The following ALDH2 variants were observed in gnomAD, a reference collection of about 807,000 sequenced individuals.
The protein encoded by ALDH2 is aldehyde dehydrogenase, mitochondrial.
A neutral mutation model predicts 59.6 loss-of-function variants in ALDH2; 44 were observed. The observed-to-expected ratio is 0.74, with a 90% CI of 0.58 to 0.95. The LOEUF is 0.95. Ranked by LOEUF, ALDH2 falls within the 40% of genes least tolerant of loss-of-function variation. The pLI, the probability that ALDH2 is intolerant of heterozygous loss-of-function variation, is 0.00. For synonymous variants in ALDH2, 291 were observed against 284.0 expected (o/e 1.02, Z -0.25); for missense variants, 570 against 696.3 (o/e 0.82, Z 2.04).
intron 7 of ALDH2, 36 bp from the exon 8 acceptor site, chr12:111,792,025 C>A (rs763918388): frequency 7.3e-7 from 1 of 1,366,424 alleles, no homozygotes; most frequent in East Asian, 2.3e-5. Flanking sequence ...TTTCTCCCGG[C>A]ACTGAGAGCT....
At chr12:111,779,011 C>T (rs2068252713) in intron 1 of ALDH2, among the ~76,000 whole-genome samples, 1 of 151,800 alleles carries the variant, frequency 6.6e-6, no homozygotes, top group African/African-American at 2.4e-5. Flanking sequence ...GGCACGCAAC[C>T]ACACCTGGCT....
rs187061717 is a variant in ALDH2 at position 111,791,040 on chromosome 12, C to T, written c.682-266C>T. 4.3e-4 allele frequency among the ~76,000 whole-genome samples: 66 copies of T among 152,248 alleles called. 1 individual carries two copies. Among genetic ancestry groups the T allele is most frequent in the Middle Eastern group, 3.4e-3 (1 of 294 alleles). ...CTCCAGCCTGGGTGCCAGAGAGAGA[C>T]TCGGTCTCAAAAAACAAACAAAAAC... On this transcript the variant is annotated intron_variant, in intron 6 of 12. Coordinates refer to ENST00000261733, the MANE Select transcript of ALDH2 (RefSeq NM_000690.4).
intron 4 of ALDH2, among the ~76,000 whole-genome samples, chr12:111,787,288 T>C (rs1264762724): frequency 1.3e-5 from 2 of 152,180 alleles, no homozygotes; most frequent in Non-Finnish European, 1.5e-5. Context: ...AAAAGGCCAT[T>C]GAGTCTCACT....
At chr12:111,790,675 C>A in intron 6 of ALDH2, 113 bp downstream of exon 6, 1 of 1,407,798 alleles carries the variant, frequency 7.1e-7, no homozygotes, top group Non-Finnish European at 9.7e-7. Flanking sequence ...TTTGTGGAGC[C>A]CCCATCACCA....
At chr12:111,774,473 G>T (rs1010982348) in intron 1 of ALDH2, among the ~76,000 whole-genome samples, 4 of 152,188 alleles carry the variant, frequency 2.6e-5, no homozygotes, top group Non-Finnish European at 2.9e-5. Context: ...CGCGCCATTA[G>T]CTTGCTCACT....
At chr12:111,784,933 A>C (rs1276747174) in intron 3 of ALDH2, among the ~76,000 whole-genome samples, 1 of 152,176 alleles carries the variant, frequency 6.6e-6, no homozygotes, top group African/African-American at 2.4e-5. Flanking sequence ...GACTTGTGTC[A>C]TTATGCACAG....
intron 2 of ALDH2, among the ~76,000 whole-genome samples, chr12:111,782,528 C>T (rs1481302292): frequency 2.6e-5 from 4 of 151,008 alleles, no homozygotes; most frequent in East Asian, 1.9e-4. Context: ...GAGACCAGCC[C>T]GGGGAAACAT....
In ALDH2 at chr12:111,767,047, C is replaced by T; in HGVS notation, c.65C>T (p.Thr22Ile). 1 of 1,529,110 alleles carries T rather than the reference C, an allele frequency of 6.5e-7. No homozygotes were observed. Among genetic ancestry groups the T allele is most frequent in the Non-Finnish European group, 8.7e-7 (1 of 1,143,982 alleles). 94.7% of individuals were successfully genotyped at this position (1,529,110 alleles called of 1,614,324 possible). Residue 22 changes from threonine to isoleucine, a missense_variant, in exon 1 of 13, where the codon ACC (threonine) becomes ATC (isoleucine). Coordinates refer to ENST00000261733, the MANE Select transcript of ALDH2 (RefSeq NM_000690.4). ...LGRRLLSAAA[T>I]QAVPAPNQQP... Reference sequence around the variant, plus strand: ...CGCCGCCTCTTGTCAGCCGCCGCCACCCAGGCCGTGCCTGCCCCCAACCAG... The same window carrying T: ...CGCCGCCTCTTGTCAGCCGCCGCCATCCAGGCCGTGCCTGCCCCCAACCAG...
rs917638509 is a variant in ALDH2 at position 111,814,356 on chromosome 12, A to G, written c.*4781A>G. ...AGTGAGACTCTGTCTCCAAAAAAAA[A>G]AAAAGAAACCCCATCTCTACCCAAA... is the stretch of plus-strand genomic sequence containing the variant. On this transcript the variant is annotated 3_prime_UTR_variant, in exon 13 of 13. Transcript: ENST00000261733. The G allele has an allele frequency of 5.3e-5, 8 of 151,262 alleles. No individual in the cohort carries two copies. Among genetic ancestry groups the G allele is most frequent in the Non-Finnish European group, 1.2e-4 (8 of 67,914 alleles). The allele number at this position is 151,262 out of a possible 1,614,324, so 9.4% of individuals were successfully genotyped here.
intron 1 of ALDH2, chr12:111,775,674 G>A (rs1383455944): frequency 6.6e-6 from 3 of 455,794 alleles, no homozygotes; most frequent in South Asian, 3.1e-5. Flanking sequence ...GTGGGAGCTA[G>A]GACATCCCCC....
intron 1 of ALDH2, among the ~76,000 whole-genome samples, chr12:111,770,456 C>G (rs1232104642): frequency 6.6e-6 from 1 of 151,844 alleles, no homozygotes; most frequent in Non-Finnish European, 1.5e-5. Context: ...TTATTCTTAC[C>G]CTCTCTTTCT....
chr12:111,808,146 ATT>A (rs534219040), intron 12 of ALDH2, among the ~76,000 whole-genome samples: 152 of 152,150 alleles, frequency 1.0e-3, no homozygotes, highest in African/African-American at 3.4e-3. Context: ...AAGTTCTGGG[ATT>A]ACAGGTGTGA....
At chr12:111,779,736 G>A (rs2136011731) in intron 1 of ALDH2, among the ~76,000 whole-genome samples, 1 of 152,316 alleles carries the variant, frequency 6.6e-6, no homozygotes, top group Admixed American at 6.5e-5. Context: ...TGTAGCCTTT[G>A]CCTCAGCACT....
intron 10 of ALDH2, 160 bp from the exon 11 acceptor site, chr12:111,799,744 CTG>C: frequency 1.2e-6 from 1 of 824,194 alleles, no homozygotes; most frequent in Non-Finnish European, 1.8e-6. Flanking sequence ...TCCATTCCCT[CTG>C]TGTTCTGCTG....
At chr12:111,795,596 CTTT>C (rs112888725) in intron 9 of ALDH2, among the ~76,000 whole-genome samples, 1 of 129,300 alleles carries the variant, frequency 7.7e-6, no homozygotes, top group Non-Finnish European at 1.6e-5. Context: ...CATTTCTTTT[CTTT>C]TTTTTTTTTT....
In ALDH2 at chr12:111,816,303, G is replaced by C. The variant is rs1249378675; in HGVS notation, c.*6728G>C. 4 of 152,156 alleles carry C rather than the reference G, an allele frequency of 2.6e-5. No homozygotes were observed. The highest frequency in any genetic ancestry group is 5.9e-5 in the Non-Finnish European group (4 of 68,044). 9.4% of individuals were successfully genotyped at this position (152,156 alleles called of 1,614,324 possible). ...AGGGCCCTGAGCTTTAGTGCCCTTT[G>C]TATTTATTGGGTAAAGGAGATAGGG... On this transcript the variant is annotated 3_prime_UTR_variant, in exon 13 of 13. Coordinates refer to ENST00000261733, the MANE Select transcript of ALDH2 (RefSeq NM_000690.4).
intron 1 of ALDH2, among the ~76,000 whole-genome samples, chr12:111,777,436 A>G (rs2068241527): frequency 6.6e-6 from 1 of 152,112 alleles, no homozygotes; most frequent in Non-Finnish European, 1.5e-5. Context: ...AACCAGACCT[A>G]CTTCCACCCA....
intron 1 of ALDH2, among the ~76,000 whole-genome samples, chr12:111,778,124 G>A (rs773999928): frequency 2.6e-5 from 4 of 152,156 alleles, no homozygotes; most frequent in Non-Finnish European, 5.9e-5. Flanking sequence ...CATGCTTGGC[G>A]CAGAGACTGC....
intron 11 of ALDH2, among the ~76,000 whole-genome samples, chr12:111,801,986 G>A (rs1228251060): frequency 2.0e-5 from 3 of 152,158 alleles, no homozygotes; most frequent in African/African-American, 7.2e-5. Flanking sequence ...TGGGTGCAGT[G>A]GCTCACCCCT....
Sources: allele counts gnomAD v4.1 joint callset (sites outside exome capture counted in the v4.1 genomes callset), GRCh38; gene constraint gnomAD v4.1.1; transcripts MANE v1.5; gene names NCBI Gene and HGNC (gene_info 2026-07-23, HGNC 2026-07-21).